Variants in DCAF11 observed in about 807,000 individuals in gnomAD.
DCAF11 encodes the protein DDB1- and CUL4-associated factor 11.
In DCAF11, 44 loss-of-function variants were observed where a neutral mutation model predicts 76.1. The observed-to-expected ratio is 0.58, with a 90% confidence interval of 0.45 to 0.74. The LOEUF (loss-of-function observed/expected upper bound fraction) is 0.74. Ranked by LOEUF, DCAF11 falls within the 30% of genes least tolerant of loss-of-function variation. DCAF11 has a pLI of 0.00. For synonymous variants in DCAF11, 258 were observed against 255.0 expected, an observed-to-expected ratio of 1.01 and a Z score of -0.11; for missense variants, 604 against 709.4, an observed-to-expected ratio of 0.85 and a Z score of 1.69.
At position 24,117,262 on chromosome 14, in the gene DCAF11, A is replaced by T. The variant is rs2037598510; in HGVS notation, c.284-4A>T. The T allele has an allele frequency of 6.2e-7, 1 of 1,614,144 alleles. No individual in the cohort carries two copies. Among genetic ancestry groups the T allele is most frequent in the Non-Finnish European group, 8.5e-7 (1 of 1,180,008 alleles). On this transcript the variant is annotated splice_polypyrimidine_tract_variant and splice_region_variant and intron_variant, in intron 3 of 14. Coordinates refer to ENST00000446197, the MANE Select transcript of DCAF11 (RefSeq NM_025230.5). This position sits in a 1 kb window ranked among gnomAD's most constrained non-coding sequence, Gnocchi z 4.3. Reference sequence around the variant, plus strand: ...AGGATGAAACTTCTCCTTGGTACTCACAGTGGATGCTACCCCTGACACCCG... The same window carrying T: ...AGGATGAAACTTCTCCTTGGTACTCTCAGTGGATGCTACCCCTGACACCCG...
Position 24,118,402 on chromosome 14 carries a change from C to T in DCAF11, c.592C>T (p.Leu198Phe). 6.2e-7 allele frequency: 1 copy of T among 1,614,214 alleles called. No homozygotes were observed. Among genetic ancestry groups the T allele is most frequent in the East Asian group, 2.2e-5 (1 of 44,890 alleles). The change falls in exon 7 of 15, where the codon CTC becomes TTC. Residue 198 changes from leucine (L) to phenylalanine (F), a missense_variant. Coordinates refer to ENST00000446197, the MANE Select transcript of DCAF11 (RefSeq NM_025230.5). Reference protein sequence around the residue: ...MSACQDQTIRLYDCRYGRFRK... With the variant: ...MSACQDQTIRFYDCRYGRFRK... ...TACTTACACAGACCAGACAATCCGACTCTATGACTGCCGATATGGCCGTTT... is the reference window on the plus strand; with the variant it reads ...TACTTACACAGACCAGACAATCCGATTCTATGACTGCCGATATGGCCGTTT...
At chr14:24,118,275 A>G (rs1420303290) in intron 6 of DCAF11, 113 bp from the exon 7 acceptor site, 9 of 1,585,566 alleles carry the variant, frequency 5.7e-6, no homozygotes, top group Admixed American at 1.7e-5. Context: ...TAGCCAGACC[A>G]TGTTTCCCAT....
rs899507071 is a variant in DCAF11 at position 24,118,166 on chromosome 14, C to G, written c.577+11C>G. On this transcript the variant is annotated intron_variant, in intron 6 of 14. Coordinates refer to ENST00000446197, the MANE Select transcript of DCAF11 (RefSeq NM_025230.5). The stretch of plus-strand genomic sequence containing the variant: ...TGTCTGCTTGCCAAGGTACCAGACC[C>G]TGGTCCTATAAACTATCTTTTCCTG... The G allele has an allele frequency of 2.5e-6, 4 of 1,605,602 alleles. No homozygotes were observed. The highest frequency in any genetic ancestry group is 3.3e-4 in the Middle Eastern group (2 of 6,070).
Position 24,123,045 on chromosome 14 carries a change from C to A in DCAF11, c.1474C>A (p.His492Asn). ...HKACVRDVSW[H>N]PFEEKIVSSS... ...GGCCTGTGTGCGTGACGTCAGTTGG[C>A]ACCCCTTTGAAGAGAAGATTGTCAG... The change falls in exon 14 of 15, where the codon CAC becomes AAC. Residue 492 changes from histidine to asparagine, a missense_variant. His to Asn is a moderately conservative substitution (Grantham distance 68). Transcript: ENST00000446197. 1 of 1,614,168 alleles carries A rather than the reference C, an allele frequency of 6.2e-7. No individual in the cohort carries two copies. The highest frequency in any genetic ancestry group is 8.5e-7 in the Non-Finnish European group (1 of 1,180,046).
intron 11 of DCAF11, 59 bp from the exon 12 acceptor site, chr14:24,120,779 C>T (rs887430888): frequency 1.3e-6 from 2 of 1,596,156 alleles, no homozygotes; most frequent in African/African-American, 2.7e-5. Context: ...GGGAACTAGA[C>T]TGACAGGCGC....
At position 24,123,429 on chromosome 14, in the gene DCAF11, G is replaced by T; in HGVS notation, c.*120G>T. The T allele has an allele frequency of 7.0e-7, 1 of 1,419,384 alleles. No individual in the cohort carries two copies. The highest frequency in any genetic ancestry group is 9.3e-7 in the Non-Finnish European group (1 of 1,077,624). 87.9% of individuals were successfully genotyped at this position (1,419,384 alleles called of 1,614,324 possible). A position where few individuals can be genotyped will look rare whatever the true frequency, so the allele number is the denominator to read the frequency against. On this transcript the variant is annotated 3_prime_UTR_variant, in exon 15 of 15. Transcript: ENST00000446197. ...TGGCATTTGATGGGGAATAACATAA[G>T]CCTGGGCTCTGAGCCTCAGCTGAGC... is the stretch of plus-strand genomic sequence containing the variant.
rs770669727 is a variant in DCAF11, at chr14:24,119,874, G to A, written c.1070G>A (p.Gly357Asp). ...PVGALAGHQD[G>D]ITFIDSKGDA... ...GGTGCACTGGCTGGACACCAGGATG[G>A]CATCACCTTCATTGACAGCAAGGTG... The change falls in exon 11 of 15, where the codon GGC becomes GAC. Residue 357 changes from glycine to aspartate, a missense_variant. Gly to Asp is a moderately conservative substitution (Grantham distance 94). Transcript: ENST00000446197. The A allele has an allele frequency of 6.2e-7, 1 of 1,613,076 alleles. No individual in the cohort carries two copies.
chr14:24,121,443 G>C lies in DCAF11; in HGVS notation c.1325G>C (p.Arg442Pro). ...RGHGVLHTLI[R>P]CRFSPIHSTG... The stretch of plus-strand genomic sequence containing the variant: ...CACGGAGTGCTGCACACCCTCATCC[G>C]CTGCCGGTTCTCCCCCATTCATAGC... The change falls in exon 13 of 15, where the codon CGC becomes CCC. Residue 442 changes from arginine (R) to proline (P), a missense_variant. Transcript: ENST00000446197. The C allele has an allele frequency of 6.2e-7, 1 of 1,614,172 alleles. No homozygotes were observed.
chr14:24,116,164 T>C (rs2037557524), intron 2 of DCAF11, among the ~76,000 whole-genome samples: 1 of 152,152 alleles, frequency 6.6e-6, no homozygotes, highest in Non-Finnish European at 1.5e-5. Flanking sequence ...TTCGATTTAC[T>C]TGAAAAACAA....
rs61744791 is a variant in DCAF11, at chr14:24,117,358, G to A, written c.376G>A (p.Ala126Thr). ...AGGGCAGCTGGGGCTTAGGCGGGCC[G>A]CCCAGAAGCACAGCTTTCCTCGAAT... is the stretch of plus-strand genomic sequence containing the variant. ...ATGQLGLRRA[A>T]QKHSFPRMLH... is the part of the protein sequence containing the mutation. Residue 126 changes from alanine (A) to threonine (T), a missense_variant, in exon 4 of 15, where the codon GCC becomes ACC. Ala to Thr is a moderately conservative substitution (Grantham distance 58). Transcript: ENST00000446197. The surrounding 1 kb of genome is among the most constrained non-coding windows in gnomAD (Gnocchi z 4.3). The A allele has an allele frequency of 4.3e-3, 6,929 of 1,614,148 alleles. 262 individuals carry two copies. In the African/African-American group the frequency reaches 0.083, roughly 19 times the overall value.
Position 24,118,743 on chromosome 14 carries a change from C to T in DCAF11, c.725-7C>T. On this transcript the variant is annotated splice_region_variant and splice_polypyrimidine_tract_variant and intron_variant, in intron 7 of 14. Coordinates refer to ENST00000446197, the MANE Select transcript of DCAF11 (RefSeq NM_025230.5). ...TGAAAGATTCTTGTTTTTCTTGCTT[C>T]TCTTAGTTCATATCTGCAATATCTA... 2 of 1,613,998 alleles carry T rather than the reference C, an allele frequency of 1.2e-6. No individual in the cohort carries two copies. Among genetic ancestry groups the T allele is most frequent in the Non-Finnish European group, 1.7e-6 (2 of 1,179,968 alleles).
rs2037725933 is a variant in DCAF11 at position 24,123,235 on chromosome 14, C to G, written c.1567C>G (p.Pro523Ala). 1.3e-6 allele frequency: 2 copies of G among 1,576,306 alleles called. No individual in the cohort carries two copies. Among genetic ancestry groups the G allele is most frequent in the Non-Finnish European group, 1.7e-6 (2 of 1,159,610 alleles). Residue 523 changes from proline to alanine, a missense_variant, in exon 15 of 15, where the codon CCA (proline) becomes GCA (alanine). Transcript: ENST00000446197. Reference protein sequence around the residue: ...RQAEYFQDDMPESEECASAPA... With the variant: ...RQAEYFQDDMAESEECASAPA... ...GGCTGAGTACTTCCAGGATGACATG[C>G]CAGAATCTGAGGAATGTGCCAGCGC... is the stretch of plus-strand genomic sequence containing the variant.
chr14:24,116,121 T>C (rs978378626), intron 2 of DCAF11, among the ~76,000 whole-genome samples: 1 of 152,054 alleles, frequency 6.6e-6, no homozygotes, highest in Admixed American at 6.6e-5. Context: ...TTGAACTTTT[T>C]AGTAAGGCAG....
intron 2 of DCAF11, among the ~76,000 whole-genome samples, chr14:24,116,149 G>A (rs933952660): frequency 2.9e-4 from 44 of 152,096 alleles, no homozygotes; most frequent in African/African-American, 9.2e-4. Flanking sequence ...ATGATATGAG[G>A]CCACTTCGAT....
chr14:24,119,133 T>C lies in DCAF11; in HGVS notation c.780-12T>C. ...AGGAAGTCCACTTAACCCAGCTCCTTCTTGCTTTTAGGCCAGATGAGCGTC... is the reference window on the plus strand; with the variant it reads ...AGGAAGTCCACTTAACCCAGCTCCTCCTTGCTTTTAGGCCAGATGAGCGTC... On this transcript the variant is annotated splice_polypyrimidine_tract_variant and intron_variant, in intron 8 of 14. Transcript: ENST00000446197. 1.2e-6 allele frequency: 2 copies of C among 1,613,700 alleles called. No individual in the cohort carries two copies. The highest frequency in any genetic ancestry group is 1.7e-6 in the Non-Finnish European group (2 of 1,179,500).
chr14:24,118,029 C>G (rs183350518), intron 5 of DCAF11, 26 bp from the exon 6 acceptor site: 4 of 1,509,458 alleles, frequency 2.6e-6, no homozygotes, highest in African/African-American at 1.4e-5. Flanking sequence ...GCACCCCTCA[C>G]CCTCACTTTC....
chr14:24,118,922 G>T (rs536583203), intron 8 of DCAF11, 118 bp downstream of exon 8: 68 of 1,251,892 alleles, frequency 5.4e-5, no homozygotes, highest in Non-Finnish European at 7.7e-5. Flanking sequence ...GTGGGTCTGT[G>T]TGCATTCCTG....
rs571217496 is a variant in DCAF11, at chr14:24,115,616, A to G, written c.22A>G (p.Ser8Gly). The change falls in exon 2 of 15, where the codon AGT (serine) becomes GGT (glycine). Residue 8 changes from serine to glycine, a missense_variant. By Grantham distance (56) the Ser-to-Gly change is moderately conservative. Coordinates refer to ENST00000446197, the MANE Select transcript of DCAF11 (RefSeq NM_025230.5). The part of the protein sequence containing the change: MGSRNSS[S>G]AGSGSGDPSE... ...GAAGATGGGATCGCGGAACAGCAGC[A>G]GTGCAGGATCCGGGTCCGGAGACCC... is the stretch of plus-strand genomic sequence containing the variant. The G allele has an allele frequency of 1.9e-6, 3 of 1,613,594 alleles. No homozygotes were observed. The highest frequency in any genetic ancestry group is 1.7e-5 in the Admixed American group (1 of 59,916).
At chr14:24,118,719 G>A in intron 7 of DCAF11, 31 bp from the exon 8 acceptor site, 1 of 1,612,950 alleles carries the variant, frequency 6.2e-7, no homozygotes, top group Non-Finnish European at 8.5e-7. Flanking sequence ...CCCCATCCCT[G>A]AAAGATTCTT....
Sources: allele counts gnomAD v4.1 joint callset (sites outside exome capture counted in the v4.1 genomes callset), GRCh38; gene constraint gnomAD v4.1.1; non-coding constraint Gnocchi (gnomAD v3.1); transcripts MANE v1.5; gene names NCBI Gene and HGNC (gene_info 2026-07-23, HGNC 2026-07-21).